Variants in SYT9 observed in about 807,000 individuals in gnomAD.
SYT9 encodes the protein synaptotagmin 9.
SYT9 carries 22 observed loss-of-function variants against 48.4 expected under a neutral mutation model. The ratio of observed to expected loss-of-function variants is 0.45; its 90% CI spans 0.32 to 0.65. SYT9 has a LOEUF of 0.65. Ranked by LOEUF, SYT9 falls within the 30% of genes least tolerant of loss-of-function variation. SYT9 has a pLI of 0.03. For missense variants in SYT9, 577 were observed against 622.0 expected, an observed-to-expected ratio of 0.93 and a Z score of 0.77; for synonymous variants, 265 against 245.0, an observed-to-expected ratio of 1.08 and a Z score of -0.76.
upstream of SYT9, among the ~76,000 whole-genome samples, chr11:7,248,973 A>T (rs1200618100): frequency 6.6e-6 from 1 of 152,232 alleles, no homozygotes; most frequent in Non-Finnish European, 1.5e-5. Context: ...TGGTAGTTGT[A>T]TAAAAATAGG....
intron 6 of SYT9, among the ~76,000 whole-genome samples, chr11:7,420,996 A>G (rs1847344963): frequency 6.6e-6 from 1 of 152,208 alleles, no homozygotes; most frequent in Non-Finnish European, 1.5e-5. Context: ...TGACTTTGGA[A>G]AAAACATAAG....
At chr11:7,408,515 C>A (rs1179223619) in intron 3 of SYT9, among the ~76,000 whole-genome samples, 2 of 152,192 alleles carry the variant, frequency 1.3e-5, no homozygotes, top group Admixed American at 1.3e-4. Context: ...TCAATTTCTT[C>A]ATTAGTGTTT....
chr11:7,247,858 G>T (rs1272699388), upstream of SYT9, among the ~76,000 whole-genome samples: 2 of 152,022 alleles, frequency 1.3e-5, no homozygotes, highest in African/African-American at 4.8e-5. Flanking sequence ...TGGGACAGCT[G>T]CATCAAATGG....
At chr11:7,454,852 AC>A (rs1252039084) in intron 6 of SYT9, among the ~76,000 whole-genome samples, 9 of 152,154 alleles carry the variant, frequency 5.9e-5, no homozygotes, top group Non-Finnish European at 8.8e-5. Flanking sequence ...CTCTCCACTC[AC>A]CAAGTGGTGA....
intron 1 of SYT9, among the ~76,000 whole-genome samples, chr11:7,282,054 G>A (rs1189512634): frequency 6.6e-6 from 1 of 152,120 alleles, no homozygotes; most frequent in East Asian, 1.9e-4. Flanking sequence ...TGTTCTTCCT[G>A]CTGTGGACAT....
At chr11:7,381,627 A>G in intron 3 of SYT9, among the ~76,000 whole-genome samples, 1 of 152,156 alleles carries the variant, frequency 6.6e-6, no homozygotes, top group East Asian at 1.9e-4. Context: ...TGTCTGCCAA[A>G]TGTACCACAC....
At chr11:7,387,363 G>T (rs1208803992) in intron 3 of SYT9, among the ~76,000 whole-genome samples, 1 of 152,020 alleles carries the variant, frequency 6.6e-6, no homozygotes, top group South Asian at 2.1e-4. Context: ...AATAAAATGT[G>T]CTTCTTGAAA....
At chr11:7,292,851 A>G (rs574594617) in intron 1 of SYT9, among the ~76,000 whole-genome samples, 43 of 152,352 alleles carry the variant, frequency 2.8e-4, no homozygotes, top group Middle Eastern at 3.4e-3. Flanking sequence ...TTTTCCCCCA[A>G]TTAAATAATT....
chr11:7,392,279 TG>T (rs1564887468), intron 3 of SYT9, among the ~76,000 whole-genome samples: 1 of 152,188 alleles, frequency 6.6e-6, no homozygotes, highest in Non-Finnish European at 1.5e-5. Context: ...AGTTAATTTT[TG>T]TATATTATGA....
chr11:7,353,488 G>A (rs183001808), intron 3 of SYT9, among the ~76,000 whole-genome samples: 86 of 152,248 alleles, frequency 5.6e-4, no homozygotes, highest in African/African-American at 1.9e-3. Context: ...GCAGATTTCC[G>A]GTAAGTTCTA....
intron 3 of SYT9, among the ~76,000 whole-genome samples, chr11:7,329,380 C>T (rs1287287204): frequency 6.6e-6 from 1 of 152,072 alleles, no homozygotes; most frequent in Non-Finnish European, 1.5e-5. Context: ...ACTCTTAAAA[C>T]TTTGTTCATT....
Position 7,252,530 on chromosome 11 carries a change from C to T in SYT9, c.145+199C>T, listed in dbSNP as rs1456014971. 6.6e-6 allele frequency among the ~76,000 whole-genome samples: 1 copy of T among 152,136 alleles called. No homozygotes were observed. The highest frequency in any genetic ancestry group is 1.5e-5 in the Non-Finnish European group (1 of 68,020). ...GGGGACCCGGGCGGTGGCTACTGCA[C>T]GGAGGCCGACTCCGGGTCGGCTAGG... On this transcript the variant is annotated intron_variant, in intron 1 of 6. Transcript: ENST00000318881. This position sits in a 1 kb window ranked among gnomAD's most constrained non-coding sequence, Gnocchi z 6.3.
intron 3 of SYT9, among the ~76,000 whole-genome samples, chr11:7,367,756 T>C (rs116806407): frequency 0.024 from 3,526 of 144,800 alleles, 90 homozygotes; most frequent in African/African-American, 0.061. Context: ...ACAAAATGTT[T>C]TTCCACTGGA....
In SYT9 at chr11:7,252,159, C is replaced by T. The variant is rs1284351969; in HGVS notation, c.-28C>T. 5 of 1,407,240 alleles carry T rather than the reference C, an allele frequency of 3.6e-6. No individual in the cohort carries two copies. The highest frequency in any genetic ancestry group is 4.6e-6 in the Non-Finnish European group (5 of 1,084,682). 87.2% of individuals were successfully genotyped at this position (1,407,240 alleles called of 1,614,324 possible). A position where few individuals can be genotyped will look rare whatever the true frequency, so the allele number is the denominator to read the frequency against. On this transcript the variant is annotated 5_prime_UTR_variant, in exon 1 of 7. Coordinates refer to ENST00000318881, the MANE Select transcript of SYT9 (RefSeq NM_175733.4). The surrounding 1 kb of genome is among the most constrained non-coding windows in gnomAD (Gnocchi z 6.3). ...GGGCTGTCTCCTGCGCCCGCCTGCC[C>T]GGCGCGGTCCGAGGATGCGGGGGGG...
At chr11:7,299,145 A>T (rs185047131) in intron 1 of SYT9, among the ~76,000 whole-genome samples, 1 of 152,332 alleles carries the variant, frequency 6.6e-6, no homozygotes, top group Admixed American at 6.5e-5. Context: ...TCATGAACAC[A>T]TGTAAAAATT....
At chr11:7,348,154 C>T (rs1208008578) in intron 3 of SYT9, among the ~76,000 whole-genome samples, 3 of 152,160 alleles carry the variant, frequency 2.0e-5, no homozygotes. Context: ...ATGGTTTGGC[C>T]ACATTCTCCT....
At chr11:7,372,787 C>A (rs920685007) in intron 3 of SYT9, among the ~76,000 whole-genome samples, 1 of 151,980 alleles carries the variant, frequency 6.6e-6, no homozygotes, top group South Asian at 2.1e-4. Context: ...TATATATTTG[C>A]TTCTCTTTTG....
intron 6 of SYT9, among the ~76,000 whole-genome samples, chr11:7,460,495 G>C (rs1370226778): frequency 4.6e-5 from 7 of 152,030 alleles, no homozygotes; most frequent in African/African-American, 4.8e-5. Context: ...TAATGCAGGT[G>C]TTAAACAAAA....
chr11:7,327,935 G>C (rs1849460168), intron 3 of SYT9, among the ~76,000 whole-genome samples: 2 of 97,838 alleles, frequency 2.0e-5, no homozygotes, highest in South Asian at 4.7e-4. Context: ...GGAGGGGGGA[G>C]GGGGGAGGGA....
Sources: gnomAD v4.1 joint callset for allele counts (sites outside exome capture counted in the v4.1 genomes callset) on GRCh38, gnomAD v4.1.1 for gene constraint, Gnocchi (gnomAD v3.1) non-coding constraint, MANE v1.5 for transcripts, NCBI Gene and HGNC (gene_info 2026-07-23, HGNC 2026-07-21) for gene names.